The following EVC2 variants were observed in gnomAD, a reference collection of about 807,000 sequenced individuals.
EVC2 encodes limbin.
EVC2 carries 148 observed loss-of-function variants against 149.3 expected under a neutral mutation model. The observed-to-expected ratio is 0.99, with a 90% CI of 0.87 to 1.14. The LOEUF is 1.14. Ranked by LOEUF, EVC2 falls within the 50% of genes most tolerant of loss-of-function variation. EVC2 has a pLI of 0.00. For synonymous variants in EVC2, 776 were observed against 649.9 expected (o/e 1.19, Z -2.95); for missense variants, 1,854 against 1,627.3 (o/e 1.14, Z -2.40).
At chr4:5,681,668 T>C (rs6837414) in intron 6 of EVC2, among the ~76,000 whole-genome samples, 141,763 of 152,286 alleles carry the variant, frequency 0.93, 66,100 homozygotes, top group African/African-American at 0.97. Flanking sequence ...CAGAGGTAGA[T>C]GGAATCCTGG....
chr4:5,650,951 T>G (rs920786945), intron 9 of EVC2, among the ~76,000 whole-genome samples: 1 of 152,132 alleles, frequency 6.6e-6, no homozygotes. Flanking sequence ...GCTGCTGTTA[T>G]GTCTGTCATG....
chr4:5,563,526 G>T (rs1308437147), intron 21 of EVC2, among the ~76,000 whole-genome samples: 1 of 152,112 alleles, frequency 6.6e-6, no homozygotes, highest in Admixed American at 6.5e-5. Context: ...TCTTTTAATA[G>T]AGACGGGGTT....
chr4:5,569,700 G>A lies in EVC2; in HGVS notation c.3361-1060C>T, dbSNP rs1577101168. 6.6e-6 allele frequency among the ~76,000 whole-genome samples: 1 copy of A among 152,026 alleles called. No individual in the cohort carries two copies. Among genetic ancestry groups the A allele is most frequent in the African/African-American group, 2.4e-5 (1 of 41,384 alleles). Reference sequence around the variant, plus strand: ...GTGCCGGAAGCCAAGGAGAGAACGTGTTCAGAAGGGTGGGCTGGGGGTTCA... The same window carrying A: ...GTGCCGGAAGCCAAGGAGAGAACGTATTCAGAAGGGTGGGCTGGGGGTTCA... On this transcript the variant is annotated intron_variant, in intron 19 of 21. Coordinates refer to ENST00000344408, the MANE Select transcript of EVC2 (RefSeq NM_147127.5). This position sits in a 1 kb window ranked among gnomAD's most constrained non-coding sequence, Gnocchi z 4.8.
At chr4:5,547,875 C>G (rs2108757917) in intron 21 of EVC2, among the ~76,000 whole-genome samples, 1 of 152,304 alleles carries the variant, frequency 6.6e-6, no homozygotes, top group Non-Finnish European at 1.5e-5. Flanking sequence ...GACCTGGGAG[C>G]TCCCTGAGCC....
At chr4:5,655,753 A>C (rs1266924751) in intron 9 of EVC2, among the ~76,000 whole-genome samples, 1 of 131,118 alleles carries the variant, frequency 7.6e-6, no homozygotes, top group African/African-American at 2.8e-5. Context: ...TGGAAGGAAG[A>C]GAAGGAAGGA....
intron 21 of EVC2, among the ~76,000 whole-genome samples, chr4:5,551,884 C>T (rs182306714): frequency 1.1e-3 from 162 of 152,286 alleles, no homozygotes; most frequent in African/African-American, 3.7e-3. Context: ...TGCTCTTTCT[C>T]TTTGCCTGCC....
At chr4:5,681,234 T>A in intron 7 of EVC2, 26 bp downstream of exon 7, 1 of 1,613,094 alleles carries the variant, frequency 6.2e-7, no homozygotes, top group Non-Finnish European at 8.5e-7. Context: ...GTCCTGAGGG[T>A]GCTCAGGGCA....
At chr4:5,540,630 G>C (rs1721494106), downstream of EVC2, among the ~76,000 whole-genome samples, 1 of 152,184 alleles carries the variant, frequency 6.6e-6, no homozygotes, top group South Asian at 2.1e-4. Flanking sequence ...TGATAGAGCA[G>C]GTAAGCTGTT....
At position 5,567,470 on chromosome 4, in the gene EVC2, C is replaced by CTCCT. The variant is rs1722356132; in HGVS notation, c.3557+970_3557+973dup. On this transcript the variant is annotated intron_variant, in intron 20 of 21. Coordinates refer to ENST00000344408, the MANE Select transcript of EVC2 (RefSeq NM_147127.5). The surrounding 1 kb of genome is among the most constrained non-coding windows in gnomAD (Gnocchi z 4.4). ...TCGGGCTCCCAGATGCCCTCCTGGC[C>CTCCT]TCCTCTGCATCCTTGCTGAGGCTGT... Among the ~76,000 whole-genome samples the CTCCT allele has an allele frequency of 6.6e-6, 1 of 152,184 alleles. No individual in the cohort carries two copies. The highest frequency in any genetic ancestry group is 1.5e-5 in the Non-Finnish European group (1 of 68,044).
Position 5,618,405 on chromosome 4 carries a change from G to T in EVC2, c.2706+73C>A. 6.4e-7 allele frequency: 1 copy of T among 1,572,626 alleles called. No homozygotes were observed. The highest frequency in any genetic ancestry group is 8.7e-7 in the Non-Finnish European group (1 of 1,146,844). On this transcript the variant is annotated intron_variant, in intron 15 of 21. Coordinates refer to ENST00000344408, the MANE Select transcript of EVC2 (RefSeq NM_147127.5). The surrounding 1 kb of genome is among the most constrained non-coding windows in gnomAD (Gnocchi z 4.4). ...GAGATGGGCTCAGGCTGGGGAAGAG[G>T]CCAGACCCTGTAGGGCCAGCAGCTG...
At chr4:5,602,291 T>TA (rs571933194) in intron 16 of EVC2, among the ~76,000 whole-genome samples, 1,691 of 81,414 alleles carry the variant, frequency 0.021, 45 homozygotes, top group African/African-American at 0.061. Context: ...CATTGCCTCT[T>TA]AAAAAAAAAA....
chr4:5,543,007 G>A, intron 22 of EVC2: 1 of 553,026 alleles, frequency 1.8e-6, no homozygotes, highest in Non-Finnish European at 2.9e-6. Context: ...ACTGTTAAGT[G>A]ATGCGGGCAG....
chr4:5,596,167 G>A (rs549521393), intron 16 of EVC2, among the ~76,000 whole-genome samples: 2 of 152,096 alleles, frequency 1.3e-5, no homozygotes, highest in Non-Finnish European at 2.9e-5. Context: ...CAACAAGACA[G>A]AAAGTTAACA....
At position 5,615,457 on chromosome 4, in the gene EVC2, A is replaced by C; in HGVS notation, c.2794T>G (p.Cys932Gly). Residue 932 changes from cysteine (C) to glycine (G), a missense_variant, in exon 16 of 22, where the codon TGT (cysteine) becomes GGT (glycine). By Grantham distance (159) the Cys-to-Gly change is radical. Coordinates refer to ENST00000344408, the MANE Select transcript of EVC2 (RefSeq NM_147127.5). ...AGGTCTTCAGAGGCCTGTTCCTCACAGAGGTGAATTTTGTCTTCGATGCAC... is the reference window on the plus strand; with the variant it reads ...AGGTCTTCAGAGGCCTGTTCCTCACCGAGGTGAATTTTGTCTTCGATGCAC... ...KKCIEDKIHL[C>G]EEQASEDLVE... The C allele has an allele frequency of 6.2e-7, 1 of 1,614,204 alleles. No individual in the cohort carries two copies. The highest frequency in any genetic ancestry group is 8.5e-7 in the Non-Finnish European group (1 of 1,180,036).
rs1017669142 is a variant in EVC2 at position 5,657,452 on chromosome 4, G to A, written c.1145+5655C>T. ...GTCCCAGCCACAGGACATCCTTGGA[G>A]GAAGCTGGGTAGCCTGAAGAGCCAC... On this transcript the variant is annotated intron_variant, in intron 9 of 21. Coordinates refer to ENST00000344408, the MANE Select transcript of EVC2 (RefSeq NM_147127.5). This position sits in a 1 kb window ranked among gnomAD's most constrained non-coding sequence, Gnocchi z 4.7. 6.6e-6 allele frequency among the ~76,000 whole-genome samples: 1 copy of A among 152,076 alleles called. No individual in the cohort carries two copies. Among genetic ancestry groups the A allele is most frequent in the Non-Finnish European group, 1.5e-5 (1 of 68,026 alleles).
At chr4:5,649,744 C>T (rs938483974) in intron 9 of EVC2, among the ~76,000 whole-genome samples, 3 of 152,058 alleles carry the variant, frequency 2.0e-5, no homozygotes, top group African/African-American at 7.2e-5. Flanking sequence ...ACAATAGACC[C>T]CCAAAACCTA....
chr4:5,544,771 A>G (rs1033834250), intron 21 of EVC2, among the ~76,000 whole-genome samples: 2 of 152,154 alleles, frequency 1.3e-5, no homozygotes, highest in Admixed American at 1.3e-4. Context: ...GTGAGTGACC[A>G]CCGTTGGATG....
At chr4:5,538,062 A>C (rs1215317365), downstream of EVC2, among the ~76,000 whole-genome samples, 1 of 145,978 alleles carries the variant, frequency 6.9e-6, no homozygotes, top group South Asian at 2.5e-4. Flanking sequence ...GGAAAGAAAT[A>C]GAAAAAAAAA....
At position 5,562,740 on chromosome 4, in the gene EVC2, T is replaced by G. The variant is rs914761027; in HGVS notation, c.*108A>C. ...CGCTACGGGGTCTGTGCCTTCTGCA[T>G]GTGCAATTTATATTTGCGAGTTGTG... On this transcript the variant is annotated 3_prime_UTR_variant, in exon 22 of 22. Coordinates refer to ENST00000344408, the MANE Select transcript of EVC2 (RefSeq NM_147127.5). This position sits in a 1 kb window ranked among gnomAD's most constrained non-coding sequence, Gnocchi z 4.3. The G allele has an allele frequency of 1.3e-6, 2 of 1,595,402 alleles. No homozygotes were observed. Among genetic ancestry groups the G allele is most frequent in the Non-Finnish European group, 1.7e-6 (2 of 1,177,790 alleles).
Sources: allele counts gnomAD v4.1 joint callset (sites outside exome capture counted in the v4.1 genomes callset), GRCh38; gene constraint gnomAD v4.1.1; non-coding constraint Gnocchi (gnomAD v3.1); transcripts MANE v1.5; gene names NCBI Gene and HGNC (gene_info 2026-07-23, HGNC 2026-07-21).